Variants in RBM33 observed in about 807,000 individuals in gnomAD.
RBM33 encodes the protein RNA-binding protein 33.
A neutral mutation model predicts 132.6 loss-of-function variants in RBM33; 28 were observed. The ratio of observed to expected loss-of-function variants is 0.21; its 90% CI spans 0.16 to 0.29. The LOEUF (loss-of-function observed/expected upper bound fraction) is 0.29, where lower values mean the gene tolerates loss of function less well. Ranked by LOEUF, RBM33 falls within the 10% of genes least tolerant of loss-of-function variation. The pLI, the probability that RBM33 is intolerant of heterozygous loss-of-function variation, is 1.00. For missense variants in RBM33, 1,291 were observed against 1,518.5 expected, an observed-to-expected ratio of 0.85 and a Z score of 2.49; for synonymous variants, 634 against 593.0, an observed-to-expected ratio of 1.07 and a Z score of -1.01.
chr7:155,672,051 T>C (rs551703888), intron 2 of RBM33, among the ~76,000 whole-genome samples: 1 of 152,324 alleles, frequency 6.6e-6, no homozygotes, highest in Non-Finnish European at 1.5e-5. Context: ...CAAAGCTAAT[T>C]TCCCTTAGTT....
At chr7:155,664,666 T>C (rs1798750035) in intron 1 of RBM33, among the ~76,000 whole-genome samples, 1 of 152,330 alleles carries the variant, frequency 6.6e-6, no homozygotes, top group South Asian at 2.1e-4. Flanking sequence ...CTCTTTACCT[T>C]TTATAAATGT....
chr7:155,669,730 T>G (rs1456989464), intron 2 of RBM33, among the ~76,000 whole-genome samples: 1 of 152,202 alleles, frequency 6.6e-6, no homozygotes. Flanking sequence ...TTCATTCCCA[T>G]CCAGGGAGTA....
At chr7:155,724,990 T>TGTGTG (rs1800742260) in intron 9 of RBM33, among the ~76,000 whole-genome samples, 32 of 123,366 alleles carry the variant, frequency 2.6e-4, no homozygotes, top group Admixed American at 2.5e-3. Flanking sequence ...GTGTACAGGT[T>TGTGTG]TGTGTGTGTG....
chr7:155,753,276 C>T (rs1201539743), intron 14 of RBM33, among the ~76,000 whole-genome samples: 1 of 152,184 alleles, frequency 6.6e-6, no homozygotes, highest in East Asian at 1.9e-4. Context: ...CCTGAAAGTC[C>T]TCCTTTCTAG....
At chr7:155,701,012 A>G (rs1207917139) in intron 6 of RBM33, 68 bp downstream of exon 6, 3 of 1,369,380 alleles carry the variant, frequency 2.2e-6, no homozygotes, top group Non-Finnish European at 3.1e-6. Flanking sequence ...TATTGCTGTA[A>G]TTAATCAAAG....
chr7:155,724,848 G>A (rs774030942), intron 9 of RBM33, among the ~76,000 whole-genome samples: 2 of 152,200 alleles, frequency 1.3e-5, no homozygotes, highest in Non-Finnish European at 2.9e-5. Flanking sequence ...GCACCAGTCA[G>A]TAGTTTGTCT....
At chr7:155,736,753 C>T (rs1391331132) in intron 9 of RBM33, among the ~76,000 whole-genome samples, 1 of 152,134 alleles carries the variant, frequency 6.6e-6, no homozygotes, top group African/African-American at 2.4e-5. Context: ...AGCTTACAGT[C>T]CTGTTAAATA....
intron 13 of RBM33, among the ~76,000 whole-genome samples, 158 bp downstream of exon 13, chr7:155,742,264 A>T (rs1318910528): frequency 6.7e-6 from 1 of 149,812 alleles, no homozygotes; most frequent in Non-Finnish European, 1.5e-5. Context: ...CATGTTTATT[A>T]AAAAAACACT....
intron 5 of RBM33, among the ~76,000 whole-genome samples, chr7:155,689,522 A>G (rs1799572899): frequency 6.6e-6 from 1 of 151,964 alleles, no homozygotes; most frequent in African/African-American, 2.4e-5. Context: ...CAGCTTTTGA[A>G]TGTGTTTGCT....
chr7:155,673,549 T>G (rs1799021993), intron 3 of RBM33, among the ~76,000 whole-genome samples: 1 of 62,860 alleles, frequency 1.6e-5, no homozygotes, highest in Admixed American at 1.2e-4. Context: ...CATACACACG[T>G]GTATATATAT....
chr7:155,688,272 CTGTT>C (rs1403309626), intron 5 of RBM33, among the ~76,000 whole-genome samples: 1 of 152,130 alleles, frequency 6.6e-6, no homozygotes, highest in Non-Finnish European at 1.5e-5. Flanking sequence ...ATTTGGCCCT[CTGTT>C]TGTCTGTTAT....
Position 155,711,218 on chromosome 7 carries a change from C to G in RBM33, c.964C>G (p.Pro322Ala). The G allele has an allele frequency of 6.3e-7, 1 of 1,574,830 alleles. No homozygotes were observed. The highest frequency in any genetic ancestry group is 8.6e-7 in the Non-Finnish European group (1 of 1,159,850). Residue 322 changes from proline (P) to alanine (A), a missense_variant, in exon 8 of 18, where the codon CCA becomes GCA. Pro to Ala is a conservative substitution (Grantham distance 27, BLOSUM62 -1). Around this residue, in one of 7 missense-constraint regions of RBM33, gnomAD observed 146 missense variants for 137.1 expected, o/e 1.07. Transcript: ENST00000401878. ...TCCTCCACAGCCCCAGGCTCCCCCT[C>G]CACCGCCACCGCCGCCTCAGCAGCA... ...QPPVVPQAPP[P>A]PPPPPQQQPI...
chr7:155,659,117 G>A (rs1798572187), intron 1 of RBM33, among the ~76,000 whole-genome samples: 1 of 152,124 alleles, frequency 6.6e-6, no homozygotes, highest in Non-Finnish European at 1.5e-5. Context: ...GCAACTCTGG[G>A]GAAGGAGAAT....
At chr7:155,723,272 T>A (rs1032529506) in intron 9 of RBM33, among the ~76,000 whole-genome samples, 3 of 152,210 alleles carry the variant, frequency 2.0e-5, no homozygotes, top group Non-Finnish European at 4.4e-5. Flanking sequence ...AAGAACGTCT[T>A]GCTTTTGAAC....
At chr7:155,693,984 CT>C (rs1309194036) in intron 5 of RBM33, among the ~76,000 whole-genome samples, 1 of 152,138 alleles carries the variant, frequency 6.6e-6, no homozygotes, top group East Asian at 1.9e-4. Context: ...CCTGGACTCC[CT>C]TTCCTAAATA....
chr7:155,671,391 C>G (rs546281906), intron 2 of RBM33, among the ~76,000 whole-genome samples: 2 of 152,220 alleles, frequency 1.3e-5, no homozygotes. Context: ...CATGTCCTAT[C>G]CTTGTTTTCT....
At chr7:155,708,480 A>G (rs1585468040) in intron 7 of RBM33, among the ~76,000 whole-genome samples, 1 of 152,204 alleles carries the variant, frequency 6.6e-6, no homozygotes, top group Admixed American at 6.5e-5. Flanking sequence ...ATCCTGGAAA[A>G]GTTGTTGAGC....
intron 6 of RBM33, among the ~76,000 whole-genome samples, chr7:155,702,090 G>T (rs1354007073): frequency 6.6e-6 from 1 of 152,168 alleles, no homozygotes; most frequent in Non-Finnish European, 1.5e-5. Context: ...CAGGCAGGAG[G>T]GCAGGAGGAC....
At position 155,712,629 on chromosome 7, in the gene RBM33, G is replaced by A. The variant is rs928423622; in HGVS notation, c.1201+1174G>A. 2.6e-5 allele frequency among the ~76,000 whole-genome samples: 4 copies of A among 152,226 alleles called. No individual in the cohort carries two copies. The East Asian group carries it at 7.7e-4, about 29-fold the overall frequency. Reference sequence around the variant, plus strand: ...AGAGTTGAGGGATATCTGTAAGTTAGCAATGTGGCTGTTCAGGGAAGAAGA... The same window carrying A: ...AGAGTTGAGGGATATCTGTAAGTTAACAATGTGGCTGTTCAGGGAAGAAGA... On this transcript the variant is annotated intron_variant, in intron 8 of 17. Transcript: ENST00000401878.
Sources: gnomAD v4.1 joint callset for allele counts (sites outside exome capture counted in the v4.1 genomes callset) on GRCh38, gnomAD v4.1.1 for gene constraint, gnomAD v4.1.1 regional missense constraint, MANE v1.5 for transcripts, NCBI Gene and HGNC (gene_info 2026-07-23, HGNC 2026-07-21) for gene names.